HMCN2: variants seen among roughly 807,000 people sequenced by gnomAD.
The protein encoded by HMCN2 is hemicentin 2.
A neutral mutation model predicts 377.5 loss-of-function variants in HMCN2; 325 were observed. That is an observed-to-expected ratio of 0.86 (90% CI 0.79 to 0.94). The LOEUF is 0.94. Ranked by LOEUF, HMCN2 falls within the 40% of genes least tolerant of loss-of-function variation. The pLI is 0.00. For missense variants in HMCN2, 4,543 were observed against 4,725.3 expected (o/e 0.96, Z 1.13); for synonymous variants, 2,007 against 2,046.8 (o/e 0.98, Z 0.53).
At position 130,400,933 on chromosome 9, in the gene HMCN2, G is replaced by A. The variant is rs1474841502; in HGVS notation, c.11756G>A (p.Arg3919His). The A allele has an allele frequency of 1.6e-5, 21 of 1,287,738 alleles. No homozygotes were observed. Among genetic ancestry groups the A allele is most frequent in the African/African-American group, 4.6e-5 (3 of 65,768 alleles). The allele number at this position is 1,287,738 out of a possible 1,614,324, so 79.8% of individuals were successfully genotyped here. A position where few individuals can be genotyped will look rare whatever the true frequency, so the allele number is the denominator to read the frequency against. Residue 3919 changes from arginine to histidine, a missense_variant, in exon 77 of 98, where the codon CGT (arginine) becomes CAT (histidine). Arg to His is a conservative substitution (Grantham distance 29). Transcript: ENST00000683500. ...CTAGGAGCTCGGGGGAGTGGCTATC[G>A]TGTCTCACCATCGGGTAAGTAAGGG... ...AQLGARGSGY[R>H]VSPSGALEIG...
chr9:130,289,768 G>A (rs1276746876), intron 4 of HMCN2, among the ~76,000 whole-genome samples: 2 of 152,136 alleles, frequency 1.3e-5, no homozygotes, highest in Non-Finnish European at 2.9e-5. Context: ...CTGCTAGGGC[G>A]AGTGCCCAGG....
chr9:130,306,330 G>GA (rs1836858515), intron 12 of HMCN2, 60 bp downstream of exon 12: 1 of 462,948 alleles, frequency 2.2e-6, no homozygotes, highest in African/African-American at 2.0e-5. Context: ...ACTCCCAGGG[G>GA]ACCTCTCTGG....
At chr9:130,324,930 T>G (rs1442136322) in intron 19 of HMCN2, among the ~76,000 whole-genome samples, 2 of 151,788 alleles carry the variant, frequency 1.3e-5, no homozygotes, top group African/African-American at 4.8e-5. Context: ...AGCCTTGGTG[T>G]TGTTTATTTT....
Position 130,391,085 on chromosome 9 carries a change from C to A in HMCN2, c.9632C>A (p.Ala3211Asp). Reference sequence around the variant, plus strand: ...ACGTGCGTGGCTGAGAACACCCAGGCTGAGGCCCGCAAGGACTTCGTGGTA... The same window carrying A: ...ACGTGCGTGGCTGAGAACACCCAGGATGAGGCCCGCAAGGACTTCGTGGTA... ...TYTCVAENTQ[A>D]EARKDFVVAV... Residue 3211 changes from alanine to aspartate, a missense_variant, in exon 63 of 98, where the codon GCT becomes GAT. Physicochemically the swap from Ala to Asp is moderately radical, Grantham distance 126. Around this residue, in one of 5 missense-constraint regions of HMCN2, gnomAD observed 736 missense variants for 773.2 expected, o/e 0.95. Transcript: ENST00000683500. 1.0e-6 allele frequency: 1 copy of A among 987,814 alleles called. No homozygotes were observed. Among genetic ancestry groups the A allele is most frequent in the Non-Finnish European group, 1.2e-6 (1 of 830,232 alleles). 61.2% of individuals were successfully genotyped at this position (987,814 alleles called of 1,614,324 possible).
chr9:130,431,336 C>A, intron 95 of HMCN2, 31 bp from the exon 96 acceptor site: 1 of 1,543,458 alleles, frequency 6.5e-7, no homozygotes, highest in South Asian at 1.2e-5. Context: ...GCCCCCATCC[C>A]CCACCTGCCC....
At chr9:130,283,268 A>T (rs10081747) in intron 1 of HMCN2, among the ~76,000 whole-genome samples, 129,654 of 150,146 alleles carry the variant, frequency 0.86, 55,973 homozygotes, top group East Asian at 0.91. Flanking sequence ...GCTATTTTTT[A>T]AAAAAAAAAA....
At position 130,396,450 on chromosome 9, in the gene HMCN2, A is replaced by C. The variant is rs1842612827; in HGVS notation, c.11198+137A>C. On this transcript the variant is annotated intron_variant, in intron 73 of 97. Coordinates refer to ENST00000683500, the MANE Select transcript of HMCN2 (RefSeq NM_001291815.2). ...GTGGGGTGTCTCAGAACACAAGGAC[A>C]GGCCCACCACTCATGAAGGTCTCTT... 5 of 634,678 alleles carry C rather than the reference A, an allele frequency of 7.9e-6. No homozygotes were observed. The South Asian group carries it at 9.1e-5, about 12-fold the overall frequency. 39.3% of individuals were successfully genotyped at this position (634,678 alleles called of 1,614,324 possible).
intron 85 of HMCN2, among the ~76,000 whole-genome samples, chr9:130,416,499 C>T (rs546455069): frequency 1.6e-4 from 25 of 152,178 alleles, no homozygotes; most frequent in African/African-American, 6.0e-4. Context: ...ATATTGTTCA[C>T]GTGGAATTAG....
Position 130,428,398 on chromosome 9 carries a change from G to T in HMCN2, c.14106G>T (p.Glu4702Asp). The change falls in exon 93 of 98, where the codon GAG becomes GAT. Residue 4702 changes from glutamate (E) to aspartate (D), a missense_variant. Physicochemically the swap from Glu to Asp is conservative, Grantham distance 45. This residue lies in a region of HMCN2 where 1,155 missense variants were observed against 1,157.7 expected (regional missense o/e 1.00). Transcript: ENST00000683500. The surrounding 1 kb of genome is among the most constrained non-coding windows in gnomAD (Gnocchi z 5.0). The part of the protein sequence containing the change: ...ECAWDAHLCR[E>D]GQRCVNLLGS... Reference sequence around the variant, plus strand: ...CGTGGGATGCTCACCTCTGCCGAGAGGGACAGCGCTGTGTGAACCTGCTCG... The same window carrying T: ...CGTGGGATGCTCACCTCTGCCGAGATGGACAGCGCTGTGTGAACCTGCTCG... 6.5e-7 allele frequency: 1 copy of T among 1,548,022 alleles called. No individual in the cohort carries two copies.
At chr9:130,408,381 T>A (rs1257100208) in intron 83 of HMCN2, among the ~76,000 whole-genome samples, 1 of 152,204 alleles carries the variant, frequency 6.6e-6, no homozygotes, top group Non-Finnish European at 1.5e-5. Flanking sequence ...CCAAAGTACC[T>A]GGCAGGTACT....
chr9:130,430,996 G>A, intron 95 of HMCN2: 1 of 375,832 alleles, frequency 2.7e-6, no homozygotes, highest in Non-Finnish European at 4.8e-6. Context: ...ATGTGACAAG[G>A]GACTGCTGGG....
At chr9:130,398,973 C>T (rs1474690709) in intron 75 of HMCN2, among the ~76,000 whole-genome samples, 1 of 152,120 alleles carries the variant, frequency 6.6e-6, no homozygotes, top group Non-Finnish European at 1.5e-5. Context: ...AAAACATGAA[C>T]TGGGTGTGGT....
At chr9:130,370,815 T>G in intron 45 of HMCN2, 149 bp from the exon 46 acceptor site, 4 of 350,254 alleles carry the variant, frequency 1.1e-5, no homozygotes, top group Non-Finnish European at 1.6e-5. Flanking sequence ...TGTCCTCACT[T>G]TAGGGGGAGC....
rs540253170 is a variant in HMCN2, at chr9:130,393,571, A to T, written c.10235-171A>T. On this transcript the variant is annotated intron_variant, in intron 67 of 97. Coordinates refer to ENST00000683500, the MANE Select transcript of HMCN2 (RefSeq NM_001291815.2). The surrounding 1 kb of genome is among the most constrained non-coding windows in gnomAD (Gnocchi z 5.2). ...TAAAGAGACAATCACAATTCCAGGG[A>T]ACTAGTGACACCAGGGGATGGAGAG... Among the ~76,000 whole-genome samples the T allele has an allele frequency of 2.6e-5, 4 of 152,254 alleles. No homozygotes were observed. The highest frequency in any genetic ancestry group is 9.6e-5 in the African/African-American group (4 of 41,550).
chr9:130,268,594 C>T lies in HMCN2; in HGVS notation c.259+2457C>T, dbSNP rs1434276153. Among the ~76,000 whole-genome samples, 5 of 149,466 alleles carry T rather than the reference C, an allele frequency of 3.3e-5. 1 individual carries two copies. The highest frequency in any genetic ancestry group is 3.3e-4 in the Admixed American group (5 of 15,040). ...AAGGGGGCTAAGGAAAGACCCCCCCCTGAGGAAGCAGCCTGTGAGTAGGGC... is the reference window on the plus strand; with the variant it reads ...AAGGGGGCTAAGGAAAGACCCCCCCTTGAGGAAGCAGCCTGTGAGTAGGGC... On this transcript the variant is annotated intron_variant, in intron 1 of 97. Coordinates refer to ENST00000683500, the MANE Select transcript of HMCN2 (RefSeq NM_001291815.2).
intron 22 of HMCN2, among the ~76,000 whole-genome samples, chr9:130,328,435 C>T (rs998156210): frequency 6.6e-5 from 10 of 152,250 alleles, no homozygotes; most frequent in Admixed American, 1.3e-4. Context: ...GTTACTGAAA[C>T]GGGAACCGCA....
chr9:130,268,522 T>C lies in HMCN2; in HGVS notation c.259+2385T>C. 1.3e-5 allele frequency among the ~76,000 whole-genome samples: 2 copies of C among 148,780 alleles called. 1 individual carries two copies. The highest frequency in any genetic ancestry group is 3.0e-5 in the Non-Finnish European group (2 of 66,120). On this transcript the variant is annotated intron_variant, in intron 1 of 97. Coordinates refer to ENST00000683500, the MANE Select transcript of HMCN2 (RefSeq NM_001291815.2). Reference sequence around the variant, plus strand: ...GCCAGGTGGGGAGTAGAAAGTGACATGTGGTGGCTCAGGTGCCAACTCCTG... The same window carrying C: ...GCCAGGTGGGGAGTAGAAAGTGACACGTGGTGGCTCAGGTGCCAACTCCTG...
At chr9:130,406,966 C>G (rs1440060376) in intron 82 of HMCN2, 2 of 153,340 alleles carry the variant, frequency 1.3e-5, no homozygotes, top group African/African-American at 4.8e-5. Flanking sequence ...GAATCCTTCT[C>G]TCGGCTGGGC....
At chr9:130,415,828 T>G (rs1410341950) in intron 85 of HMCN2, among the ~76,000 whole-genome samples, 3 of 152,204 alleles carry the variant, frequency 2.0e-5, no homozygotes, top group Non-Finnish European at 4.4e-5. Flanking sequence ...TCCCTGCTCT[T>G]CTCAGCCAGG....
Sources: gnomAD v4.1 joint callset for allele counts (sites outside exome capture counted in the v4.1 genomes callset) on GRCh38, gnomAD v4.1.1 for gene constraint, gnomAD v4.1.1 regional missense constraint, Gnocchi (gnomAD v3.1) non-coding constraint, MANE v1.5 for transcripts, NCBI Gene and HGNC (gene_info 2026-07-23, HGNC 2026-07-21) for gene names.